Variants in NSDHL observed in about 807,000 individuals in gnomAD.
NSDHL encodes NAD(P) dependent 3-beta-hydroxysteroid dehydrogenase NSDHL.
Under a neutral mutation model 23.0 loss-of-function variants are expected in NSDHL, and 1 was observed. The observed-to-expected ratio is 0.04, with a 90% CI of 0.02 to 0.21. NSDHL has a LOEUF of 0.21. NSDHL is among the 10% of genes least tolerant of loss of function. The pLI, the probability that NSDHL is intolerant of heterozygous loss-of-function variation, is 1.00. For missense variants in NSDHL, 237 were observed against 300.9 expected (o/e 0.79, Z 1.57); for synonymous variants, 128 against 121.1 (o/e 1.06, Z -0.37).
At chrX:152,832,276 AT>A (rs1381278037) in intron 1 of NSDHL, among the ~76,000 whole-genome samples, 1 of 111,599 alleles carries the variant, frequency 9.0e-6, no homozygotes, top group Non-Finnish European at 1.9e-5. Flanking sequence ...AACAGTTCTT[AT>A]CCCCTTCTGA....
chrX:152,833,430 G>T (rs1464678605), intron 1 of NSDHL, among the ~76,000 whole-genome samples: 1 of 107,751 alleles, frequency 9.3e-6, no homozygotes, highest in Admixed American at 9.8e-5. Context: ...CTTTCCAGTC[G>T]CAACACTCAC....
chrX:152,846,363 C>T lies in NSDHL; in HGVS notation c.39C>T (p.Val13=), dbSNP rs781914223. 4.1e-6 allele frequency: 5 copies of T among 1,209,325 alleles called. No individual in the cohort carries two copies. The highest frequency in any genetic ancestry group is 5.6e-6 in the Non-Finnish European group (5 of 894,250). Residue 13 remains valine, a synonymous_variant, in exon 2 of 8, where the codon GTC becomes GTT. Coordinates refer to ENST00000370274, the MANE Select transcript of NSDHL (RefSeq NM_015922.3). ...TTAGCGAGCCAATGAGAGACCAAGT[C>T]GCACGGACTCATTTGACAGAGGACA... ...PAVSEPMRDQ[V]ARTHLTEDTP... is the part of the protein sequence containing the mutation.
At chrX:152,862,481 G>A in intron 4 of NSDHL, 115 bp from the exon 5 acceptor site, 3 of 676,605 alleles carry the variant, frequency 4.4e-6, no homozygotes, top group South Asian at 4.6e-5. Context: ...TTTCTTCAGT[G>A]CCTCGAATGC....
At chrX:152,842,376 C>A (rs1196126071) in intron 1 of NSDHL, among the ~76,000 whole-genome samples, 1 of 112,343 alleles carries the variant, frequency 8.9e-6, no homozygotes, top group Non-Finnish European at 1.9e-5. Context: ...CTGACACTTG[C>A]TATTTTCTCT....
intron 1 of NSDHL, among the ~76,000 whole-genome samples, chrX:152,832,052 G>T (rs1298023455): frequency 9.0e-6 from 1 of 111,041 alleles, no homozygotes; most frequent in Non-Finnish European, 1.9e-5. Context: ...TTGGCACGAC[G>T]TGTCCCCTTC....
Position 152,846,449 on chromosome X carries a change from C to T in NSDHL, c.108+17C>T, listed in dbSNP as rs782477549. The T allele has an allele frequency of 2.4e-5, 25 of 1,025,858 alleles. No homozygotes were observed. Among genetic ancestry groups the T allele is most frequent in the South Asian group, 3.8e-5 (2 of 53,123 alleles). The allele number at this position is 1,025,858 out of a possible 1,213,427, so 84.5% of individuals were successfully genotyped here. ...CAGAATCAGGTAAGGAGAAAGTTGA[C>T]ACGTACATACCAACAGGCTGATACT... On this transcript the variant is annotated intron_variant, in intron 2 of 7. Coordinates refer to ENST00000370274, the MANE Select transcript of NSDHL (RefSeq NM_015922.3).
In NSDHL at chrX:152,869,463, T is replaced by C; in HGVS notation, c.*347T>C. The C allele has an allele frequency of 3.5e-6, 1 of 288,059 alleles. No individual in the cohort carries two copies. Among genetic ancestry groups the C allele is most frequent in the Admixed American group, 4.9e-5 (1 of 20,335 alleles). The allele number at this position is 288,059 out of a possible 1,213,427, so 23.7% of individuals were successfully genotyped here. A position where few individuals can be genotyped will look rare whatever the true frequency, so the allele number is the denominator to read the frequency against. On this transcript the variant is annotated 3_prime_UTR_variant, in exon 8 of 8. Coordinates refer to ENST00000370274, the MANE Select transcript of NSDHL (RefSeq NM_015922.3). ...CATAATCAAGGAAGCTGTAGGAAGC[T>C]ACAACCCATTTGTTAGTTCTGATGG...
At chrX:152,847,529 A>G (rs186224634) in intron 2 of NSDHL, among the ~76,000 whole-genome samples, 1 of 111,702 alleles carries the variant, frequency 9.0e-6, no homozygotes, top group African/African-American at 3.3e-5. Context: ...TTTTATGGCT[A>G]CTTGGCAGCC....
At chrX:152,832,244 A>G (rs1486303011) in intron 1 of NSDHL, among the ~76,000 whole-genome samples, 1 of 110,844 alleles carries the variant, frequency 9.0e-6, no homozygotes, top group East Asian at 2.8e-4. Flanking sequence ...CAAGCCACTC[A>G]CCTTGCTCTA....
chrX:152,845,011 C>T (rs1556845343), intron 1 of NSDHL, among the ~76,000 whole-genome samples: 1 of 112,144 alleles, frequency 8.9e-6, no homozygotes, highest in Admixed American at 9.4e-5. Flanking sequence ...ACAGGGCAGG[C>T]ACAGAGCTAC....
chrX:152,839,365 C>T (rs925954224), intron 1 of NSDHL, among the ~76,000 whole-genome samples: 3 of 111,720 alleles, frequency 2.7e-5, no homozygotes, highest in African/African-American at 6.5e-5. Context: ...TTATTTTGCC[C>T]GTTAATTGAT....
At chrX:152,862,254 C>T (rs1047724706) in intron 4 of NSDHL, among the ~76,000 whole-genome samples, 11 of 112,142 alleles carry the variant, frequency 9.8e-5, no homozygotes, top group African/African-American at 2.9e-4. Flanking sequence ...AACAGAGAAT[C>T]GCTGTCATAG....
chrX:152,855,608 G>A (rs1176437477), intron 3 of NSDHL, among the ~76,000 whole-genome samples: 4 of 111,324 alleles, frequency 3.6e-5, no homozygotes, highest in African/African-American at 6.6e-5. Flanking sequence ...TCTAGAAGCC[G>A]TGCTGGACAT....
intron 1 of NSDHL, among the ~76,000 whole-genome samples, chrX:152,843,447 C>T (rs782149044): frequency 7.1e-5 from 8 of 112,148 alleles, no homozygotes; most frequent in Admixed American, 3.7e-4. Flanking sequence ...GTTGTGTTCC[C>T]TCTGAAGGAT....
Position 152,849,813 on chromosome X carries a change from G to C in NSDHL, c.109-452G>C, listed in dbSNP as rs1198326245. On this transcript the variant is annotated intron_variant, in intron 2 of 7. Transcript: ENST00000370274. ...GTATGGAGACTGCTTTCTTCTTTCTGTTGTTTTCAGTGCAAGCTATCAGCT... is the reference window on the plus strand; with the variant it reads ...GTATGGAGACTGCTTTCTTCTTTCTCTTGTTTTCAGTGCAAGCTATCAGCT... Among the ~76,000 whole-genome samples the C allele has an allele frequency of 8.0e-5, 9 of 112,882 alleles. No individual in the cohort carries two copies. The Admixed American group carries it at 8.4e-4, about 11-fold the overall frequency.
intron 4 of NSDHL, among the ~76,000 whole-genome samples, chrX:152,861,477 A>G (rs1385755927): frequency 2.7e-5 from 3 of 112,758 alleles, no homozygotes; most frequent in East Asian, 5.6e-4. Flanking sequence ...AATTTCTTCA[A>G]ACTTCACTTG....
intron 4 of NSDHL, among the ~76,000 whole-genome samples, chrX:152,859,491 G>A (rs1348255442): frequency 1.2e-4 from 14 of 112,057 alleles, no homozygotes; most frequent in Non-Finnish European, 1.7e-4. Flanking sequence ...TTCTCCTTTT[G>A]TGTCTGGCTT....
chrX:152,864,951 C>T, intron 5 of NSDHL, among the ~76,000 whole-genome samples: 1 of 112,159 alleles, frequency 8.9e-6, no homozygotes, highest in Non-Finnish European at 1.9e-5. Context: ...AGGAACCGTA[C>T]TTACCAAGCA....
At position 152,869,430 on chromosome X, in the gene NSDHL, T is replaced by C. The variant is rs111690259; in HGVS notation, c.*314T>C. 5 of 325,508 alleles carry C rather than the reference T, an allele frequency of 1.5e-5. No homozygotes were observed. Among genetic ancestry groups the C allele is most frequent in the Admixed American group, 9.4e-5 (2 of 21,364 alleles). The allele number at this position is 325,508 out of a possible 1,213,427, so 26.8% of individuals were successfully genotyped here. ...CTGGTTTATACATTTCATTCCAGTG[T>C]CCTTGTACATAATCAAGGAAGCTGT... On this transcript the variant is annotated 3_prime_UTR_variant, in exon 8 of 8. Transcript: ENST00000370274.
Sources: gnomAD v4.1 joint callset for allele counts (sites outside exome capture counted in the v4.1 genomes callset) on GRCh38, gnomAD v4.1.1 for gene constraint, MANE v1.5 for transcripts, NCBI Gene and HGNC (gene_info 2026-07-23, HGNC 2026-07-21) for gene names.